MGAT5: variants seen among roughly 807,000 people sequenced by gnomAD.
MGAT5 encodes the protein alpha-1,6-mannosylglycoprotein 6-beta-N-acetylglucosaminyltransferase, also known as alpha-1,6-mannosylglycoprotein 6-beta-N-acetylglucosaminyltransferase A.
In MGAT5, 30 loss-of-function variants were observed where a neutral mutation model predicts 94.3. The observed-to-expected ratio is 0.32, with a 90% CI of 0.24 to 0.43. The LOEUF (loss-of-function observed/expected upper bound fraction) is 0.43, where lower values mean the gene tolerates loss of function less well. Ranked by LOEUF, MGAT5 falls within the 20% of genes least tolerant of loss-of-function variation. The probability of loss-of-function intolerance (pLI) is 1.00; values close to 1 mark genes in which losing one functional copy is unlikely to be tolerated. For missense variants in MGAT5, 691 were observed against 905.5 expected (o/e 0.76, Z 3.04); for synonymous variants, 310 against 322.9 (o/e 0.96, Z 0.43).
At chr2:134,177,145 G>GTGTGTA (rs1491141661) in intron 1 of MGAT5, among the ~76,000 whole-genome samples, 1 of 19,716 alleles carries the variant, frequency 5.1e-5, no homozygotes, top group East Asian at 8.7e-4. Flanking sequence ...AAATGAACCC[G>GTGTGTA]TGTGTGTGTG....
chr2:134,349,374 C>T (rs1679214923), intron 8 of MGAT5, among the ~76,000 whole-genome samples: 1 of 152,108 alleles, frequency 6.6e-6, no homozygotes. Flanking sequence ...CTAGAGATAA[C>T]ACGTGTCATA....
At chr2:134,350,524 A>G (rs1403265661) in intron 9 of MGAT5, among the ~76,000 whole-genome samples, 2 of 152,180 alleles carry the variant, frequency 1.3e-5, no homozygotes, top group East Asian at 1.9e-4. Flanking sequence ...ATGAGCCGAT[A>G]TAGTAAGAAC....
At chr2:134,166,875 C>T (rs1427978225) in intron 1 of MGAT5, among the ~76,000 whole-genome samples, 1 of 152,120 alleles carries the variant, frequency 6.6e-6, no homozygotes, top group African/African-American at 2.4e-5. Flanking sequence ...ATAGGGAATT[C>T]ACTTAGATAA....
In MGAT5 at chr2:134,280,421, G is replaced by A. The variant is rs183987536; in HGVS notation, c.406+9871G>A. Reference sequence around the variant, plus strand: ...GCCCATGGCGTGGACAGAGTCACCCGAGGACGACATGTCTGGGATTGACAG... The same window carrying A: ...GCCCATGGCGTGGACAGAGTCACCCAAGGACGACATGTCTGGGATTGACAG... On this transcript the variant is annotated intron_variant, in intron 2 of 15. Coordinates refer to ENST00000281923, the MANE Select transcript of MGAT5 (RefSeq NM_002410.5). 1.1e-4 allele frequency among the ~76,000 whole-genome samples: 16 copies of A among 152,306 alleles called. No individual in the cohort carries two copies. The East Asian group carries it at 3.1e-3, about 29-fold the overall frequency.
intron 10 of MGAT5, among the ~76,000 whole-genome samples, chr2:134,401,913 G>A (rs902862733): frequency 5.3e-5 from 8 of 152,174 alleles, no homozygotes; most frequent in Non-Finnish European, 1.2e-4. Context: ...GTGAATGGCA[G>A]AGACCAGATC....
chr2:134,252,334 C>T (rs1346981483), upstream of MGAT5, among the ~76,000 whole-genome samples: 1 of 152,024 alleles, frequency 6.6e-6, no homozygotes, highest in Non-Finnish European at 1.5e-5. Flanking sequence ...CCAGCAGGTA[C>T]GTAGTGGGAG....
intron 10 of MGAT5, among the ~76,000 whole-genome samples, chr2:134,383,915 C>T (rs897144328): frequency 1.3e-5 from 2 of 152,082 alleles, no homozygotes; most frequent in Non-Finnish European, 2.9e-5. Context: ...ATCCTGACCT[C>T]GTCACCGCCT....
chr2:134,281,311 T>C (rs992233161), intron 2 of MGAT5, among the ~76,000 whole-genome samples: 1 of 152,340 alleles, frequency 6.6e-6, no homozygotes. Context: ...ATGTATCTTT[T>C]ATCCAACCTA....
chr2:134,120,269 T>G (rs1278247686), exon 1 of MGAT5: 1 of 377,792 alleles, frequency 2.6e-6, no homozygotes, highest in Non-Finnish European at 4.7e-6. Flanking sequence ...TGCTCCCGGC[T>G]GCTGCTGCTG....
chr2:134,233,026 A>G (rs1681450805), intron 1 of MGAT5, among the ~76,000 whole-genome samples: 1 of 152,260 alleles, frequency 6.6e-6, no homozygotes, highest in Admixed American at 6.5e-5. Flanking sequence ...GTTTTATGCT[A>G]GAAGAATAGT....
intron 10 of MGAT5, among the ~76,000 whole-genome samples, chr2:134,401,948 C>A (rs571752152): frequency 2.3e-4 from 35 of 152,290 alleles, no homozygotes; most frequent in African/African-American, 8.2e-4. Flanking sequence ...TTAGAGCCTG[C>A]CTCCGGGCTT....
Position 134,146,491 on chromosome 2 carries a change from T to C in MGAT5, c.-143+26200T>C, listed in dbSNP as rs1172658892. ...GGTAGTGTCTTTTGAGCCCAGGAGG[T>C]TGAGGCTGCAGTGAGCTATGATAGC... is the stretch of plus-strand genomic sequence containing the variant. On this transcript the variant is annotated intron_variant, in intron 1 of 16. Coordinates refer to the MGAT5 transcript ENST00000409645. Among the ~76,000 whole-genome samples the C allele has an allele frequency of 4.6e-5, 7 of 151,970 alleles. No homozygotes were observed. In the East Asian group the frequency reaches 1.3e-3, roughly 29 times the overall value.
chr2:134,145,823 G>T (rs754877749), intron 1 of MGAT5, among the ~76,000 whole-genome samples: 6 of 152,188 alleles, frequency 3.9e-5, no homozygotes, highest in Non-Finnish European at 7.3e-5. Context: ...CCTTAAACTT[G>T]CTAGGACTTA....
chr2:134,421,596 T>G (rs60561193), intron 12 of MGAT5, among the ~76,000 whole-genome samples: 40 of 150,328 alleles, frequency 2.7e-4, no homozygotes, highest in African/African-American at 9.6e-4. Context: ...AAAAAAAAAA[T>G]AAAAAACTAG....
chr2:134,357,993 C>T (rs1248969561), intron 9 of MGAT5, among the ~76,000 whole-genome samples: 2 of 151,952 alleles, frequency 1.3e-5, no homozygotes, highest in African/African-American at 2.4e-5. Context: ...TTTCTACCGT[C>T]GGTTTTATCA....
chr2:134,446,811 AG>A (rs1470842240), intron 15 of MGAT5, among the ~76,000 whole-genome samples: 1 of 152,132 alleles, frequency 6.6e-6, no homozygotes, highest in Non-Finnish European at 1.5e-5. Context: ...CACGTGCAGG[AG>A]GCGCCGCAGG....
intron 4 of MGAT5, among the ~76,000 whole-genome samples, chr2:134,327,751 A>G (rs972678428): frequency 6.6e-6 from 1 of 152,180 alleles, no homozygotes; most frequent in African/African-American, 2.4e-5. Context: ...TAATATTATG[A>G]GAACATACAA....
At chr2:134,356,780 C>G (rs1164180475) in intron 9 of MGAT5, among the ~76,000 whole-genome samples, 2 of 152,148 alleles carry the variant, frequency 1.3e-5, no homozygotes, top group African/African-American at 4.8e-5. Context: ...CCCCTCAGGA[C>G]CTTTGCATTG....
rs112848448 is a variant in MGAT5 at position 134,287,597 on chromosome 2, C to T, written c.406+17047C>T. 2.3e-3 allele frequency among the ~76,000 whole-genome samples: 344 copies of T among 152,322 alleles called. 3 individuals carry two copies. Among genetic ancestry groups the T allele is most frequent in the Middle Eastern group, 0.01 (3 of 294 alleles). ...CTAAATGTCTATTTCAGTCTTTTCT[C>T]TTCTGCTTAGTTTCCTCATAGATGG... On this transcript the variant is annotated intron_variant, in intron 2 of 15. Transcript: ENST00000281923.
Sources: allele counts gnomAD v4.1 joint callset (sites outside exome capture counted in the v4.1 genomes callset), GRCh38; gene constraint gnomAD v4.1.1; transcripts MANE v1.5; gene names NCBI Gene and HGNC (gene_info 2026-07-23, HGNC 2026-07-21).